The following RTTN variants were observed in gnomAD, a reference collection of about 807,000 sequenced individuals.
RTTN encodes the protein rotatin.
Under a neutral mutation model 269.2 loss-of-function variants are expected in RTTN, and 182 were observed. That is an observed-to-expected ratio of 0.68 (90% CI 0.60 to 0.76). RTTN has a LOEUF of 0.76. Among genes scored for constraint, RTTN ranks in the 30% least tolerant of loss-of-function variants. RTTN has a pLI of 0.00. For missense variants in RTTN, 2,545 were observed against 2,608.6 expected, an observed-to-expected ratio of 0.98 and a Z score of 0.53; for synonymous variants, 1,006 against 963.5, an observed-to-expected ratio of 1.04 and a Z score of -0.82.
intron 23 of RTTN, among the ~76,000 whole-genome samples, chr18:70,132,640 A>G (rs2060026688): frequency 6.6e-6 from 1 of 152,108 alleles, no homozygotes. Context: ...GAATATACCA[A>G]AAGCCATACT....
intron 46 of RTTN, among the ~76,000 whole-genome samples, chr18:70,011,282 A>T (rs574676939): frequency 6.6e-6 from 1 of 152,246 alleles, no homozygotes; most frequent in East Asian, 1.9e-4. Flanking sequence ...AGAGACACAC[A>T]CAAAAAAAGG....
intron 32 of RTTN, among the ~76,000 whole-genome samples, chr18:70,082,703 T>C (rs908066937): frequency 1.3e-5 from 2 of 152,080 alleles, no homozygotes; most frequent in African/African-American, 4.8e-5. Context: ...AGGGTTTTTG[T>C]TTTTAGAGAC....
intron 10 of RTTN, among the ~76,000 whole-genome samples, chr18:70,186,080 CAAAA>C (rs59754982): frequency 8.9e-6 from 1 of 112,574 alleles, no homozygotes; most frequent in African/African-American, 3.1e-5. Context: ...CTCTCCCCCC[CAAAA>C]AAAAAAAAAA....
intron 23 of RTTN, chr18:70,129,019 G>A (rs2059933879): frequency 6.6e-6 from 1 of 152,458 alleles, no homozygotes; most frequent in South Asian, 2.1e-4. Context: ...GATCATAGAG[G>A]TCACTAAATG....
intron 36 of RTTN, among the ~76,000 whole-genome samples, chr18:70,058,784 G>A (rs894121770): frequency 6.9e-6 from 1 of 144,238 alleles, no homozygotes; most frequent in Admixed American, 7.4e-5. Flanking sequence ...TTTCCAATCC[G>A]AGTAGGTACA....
rs370590897 is a variant in RTTN, at chr18:70,054,201, C to A, written c.5115G>T (p.Gln1705His). ...TGATAAGAGGTTTCACAAGCTCATCCTGAATCACAAGGTCAGGCTCCACCA... is the reference window on the plus strand; with the variant it reads ...TGATAAGAGGTTTCACAAGCTCATCATGAATCACAAGGTCAGGCTCCACCA... Reference protein sequence around the residue: ...CLLVEPDLVIQDELVKPLITN... With the variant: ...CLLVEPDLVIHDELVKPLITN... The change falls in exon 38 of 49, where the codon CAG becomes CAT. Residue 1705 changes from glutamine (Q) to histidine (H), a missense_variant. Gln to His is a conservative substitution (Grantham distance 24). Transcript: ENST00000640769. 41 of 1,613,686 alleles carry A rather than the reference C, an allele frequency of 2.5e-5. No homozygotes were observed. In the African/African-American group the frequency reaches 5.1e-4, roughly 20 times the overall value.
chr18:70,176,498 T>C (rs2061304715), intron 11 of RTTN, among the ~76,000 whole-genome samples, 177 bp downstream of exon 11: 1 of 152,188 alleles, frequency 6.6e-6, no homozygotes, highest in South Asian at 2.1e-4. Flanking sequence ...GTCAAAATTG[T>C]TCAAAATGTT....
intron 30 of RTTN, among the ~76,000 whole-genome samples, chr18:70,089,307 T>C (rs2058780721): frequency 6.6e-6 from 1 of 152,202 alleles, no homozygotes; most frequent in African/African-American, 2.4e-5. Flanking sequence ...TCCATGTGCG[T>C]GCTCCAAGGA....
intron 28 of RTTN, among the ~76,000 whole-genome samples, chr18:70,108,398 A>C (rs2059378834): frequency 6.6e-6 from 1 of 152,228 alleles, no homozygotes. Flanking sequence ...CACCAATGCA[A>C]ATCAGCTATT....
chr18:70,022,324 T>C (rs1040781934), intron 44 of RTTN, among the ~76,000 whole-genome samples: 4 of 152,078 alleles, frequency 2.6e-5, no homozygotes, highest in Non-Finnish European at 4.4e-5. Context: ...CCCTCCTAAA[T>C]CCACATCCTT....
At chr18:70,161,722 A>G (rs930431561) in intron 14 of RTTN, among the ~76,000 whole-genome samples, 1 of 152,142 alleles carries the variant, frequency 6.6e-6, no homozygotes, top group African/African-American at 2.4e-5. Flanking sequence ...AGACATACAC[A>G]CGGTCAACAA....
intron 10 of RTTN, among the ~76,000 whole-genome samples, chr18:70,182,547 T>C (rs2061444142): frequency 1.3e-5 from 2 of 152,052 alleles, no homozygotes; most frequent in African/African-American, 2.4e-5. Flanking sequence ...GACCAGACAT[T>C]AGGAATTCAC....
intron 20 of RTTN, 35 bp from the exon 21 acceptor site, chr18:70,139,751 C>T: frequency 7.9e-7 from 1 of 1,261,892 alleles, no homozygotes; most frequent in Non-Finnish European, 1.2e-6. Flanking sequence ...TTTTCATTTT[C>T]ACCAATTATC....
In RTTN at chr18:70,035,321, G is replaced by C. The variant is rs140095213; in HGVS notation, c.5542-4340C>G. Among the ~76,000 whole-genome samples, 26 of 152,172 alleles carry C rather than the reference G, an allele frequency of 1.7e-4. No individual in the cohort carries two copies. The East Asian group carries it at 4.4e-3, about 26-fold the overall frequency. The stretch of plus-strand genomic sequence containing the variant: ...TACTTGACTTCAAACTATACTACAG[G>C]GCTACAGTAACCAAAGCATGGTAAT... On this transcript the variant is annotated intron_variant, in intron 40 of 48. Coordinates refer to ENST00000640769, the MANE Select transcript of RTTN (RefSeq NM_173630.4).
At chr18:70,113,917 G>A (rs989460786) in intron 27 of RTTN, among the ~76,000 whole-genome samples, 5 of 152,092 alleles carry the variant, frequency 3.3e-5, no homozygotes, top group African/African-American at 1.2e-4. Context: ...ACTTTTTCAT[G>A]GATACAAGGC....
At chr18:70,064,894 T>C (rs1352006565) in intron 35 of RTTN, among the ~76,000 whole-genome samples, 1 of 152,250 alleles carries the variant, frequency 6.6e-6, no homozygotes. Context: ...CTTTTAGAGA[T>C]AAATGTTCAT....
chr18:70,061,272 A>C (rs1202235476), intron 35 of RTTN: 1 of 449,850 alleles, frequency 2.2e-6, no homozygotes, highest in Non-Finnish European at 4.5e-6. Context: ...TGCACCCTAC[A>C]TTAGTGAACA....
At chr18:70,060,920 A>G (rs537042315) in intron 35 of RTTN, among the ~76,000 whole-genome samples, 3 of 152,110 alleles carry the variant, frequency 2.0e-5, no homozygotes, top group Admixed American at 6.5e-5. Context: ...GTTGCTGCAA[A>G]TGACAGGACT....
At position 70,196,636 on chromosome 18, in the gene RTTN, G is replaced by A. The variant is rs764590295; in HGVS notation, c.706C>T (p.Leu236=). 3 of 1,611,006 alleles carry A rather than the reference G, an allele frequency of 1.9e-6. No individual in the cohort carries two copies. Among genetic ancestry groups the A allele is most frequent in the South Asian group, 1.1e-5 (1 of 90,486 alleles). Residue 236 remains leucine (L), a synonymous_variant, in exon 7 of 49, where the codon CTG becomes TTG. Coordinates refer to ENST00000640769, the MANE Select transcript of RTTN (RefSeq NM_173630.4). ...CCATCTCCAAAGGCCAGTTTCAACA[G>A]AGATAAAAGGCTCTGAAATCAAGAA... ...RPKIVQSLLS[L]LKLAFGDGKH... is the part of the protein sequence containing the mutation.
Sources: allele counts gnomAD v4.1 joint callset (sites outside exome capture counted in the v4.1 genomes callset), GRCh38; gene constraint gnomAD v4.1.1; transcripts MANE v1.5; gene names NCBI Gene and HGNC (gene_info 2026-07-23, HGNC 2026-07-21).